Variants in TBK1 observed in about 807,000 individuals in gnomAD.
The protein encoded by TBK1 is TANK binding kinase 1, also known as serine/threonine-protein kinase TBK1.
Under a neutral mutation model 99.9 loss-of-function variants are expected in TBK1, and 37 were observed. The observed-to-expected ratio is 0.37, with a 90% CI of 0.28 to 0.49. TBK1 has a LOEUF of 0.49. Ranked by LOEUF, TBK1 falls within the 20% of genes least tolerant of loss-of-function variation. TBK1 has a pLI of 0.98. For synonymous variants in TBK1, 258 were observed against 279.8 expected (o/e 0.92, Z 0.78); for missense variants, 644 against 872.5 (o/e 0.74, Z 3.30).
At chr12:64,461,233 T>A (rs1044233961) in intron 3 of TBK1, among the ~76,000 whole-genome samples, 7 of 152,046 alleles carry the variant, frequency 4.6e-5, no homozygotes, top group Non-Finnish European at 8.8e-5. Flanking sequence ...ATAAAAATTT[T>A]GTATTTCATG....
intron 13 of TBK1, among the ~76,000 whole-genome samples, chr12:64,492,668 T>C (rs546184473): frequency 1.6e-4 from 24 of 152,268 alleles, no homozygotes; most frequent in Middle Eastern, 3.4e-3. Context: ...TGGAGTCTTA[T>C]GACATCAGGA....
At chr12:64,479,337 T>G (rs939305330) in intron 6 of TBK1, among the ~76,000 whole-genome samples, 11 of 152,224 alleles carry the variant, frequency 7.2e-5, no homozygotes, top group African/African-American at 2.7e-4. Flanking sequence ...CACCTTATTT[T>G]TCACGTTAAT....
intron 6 of TBK1, among the ~76,000 whole-genome samples, chr12:64,477,314 A>G (rs566029260): frequency 9.9e-5 from 15 of 152,126 alleles, no homozygotes; most frequent in Non-Finnish European, 1.8e-4. Flanking sequence ...ATGCTTTTCC[A>G]TTTGTTGTGT....
intron 11 of TBK1, among the ~76,000 whole-genome samples, chr12:64,487,636 A>G (rs1172824163): frequency 6.6e-6 from 1 of 152,016 alleles, no homozygotes; most frequent in Non-Finnish European, 1.5e-5. Context: ...TATTCCTTTT[A>G]CTTATTAGTT....
chr12:64,493,209 TACAG>T (rs2040889164), intron 13 of TBK1, among the ~76,000 whole-genome samples: 1 of 152,012 alleles, frequency 6.6e-6, no homozygotes, highest in African/African-American at 2.4e-5. Flanking sequence ...GTGGAGACCT[TACAG>T]ACATTTTTCC....
rs905184241 is a variant in TBK1, at chr12:64,481,858, C to G, written c.829C>G (p.Leu277Val). 37 of 1,601,920 alleles carry G rather than the reference C, an allele frequency of 2.3e-5. No individual in the cohort carries two copies. The highest frequency in any genetic ancestry group is 2.9e-5 in the Non-Finnish European group (34 of 1,175,130). ...CSLSRGLQVLLTPVLANILEA... is the reference protein window; with the variant it reads ...CSLSRGLQVLVTPVLANILEA... ...CTATTTTAGGGGTCTTCAGGTTCTA[C>G]TTACCCCTGTTCTTGCAAACATCCT... Residue 277 changes from leucine (L) to valine (V), a missense_variant, in exon 8 of 21, where the codon CTT becomes GTT. Physicochemically the swap from Leu to Val is conservative, Grantham distance 32. Coordinates refer to ENST00000331710, the MANE Select transcript of TBK1 (RefSeq NM_013254.4).
chr12:64,498,195 C>T (rs1160969289), intron 20 of TBK1, among the ~76,000 whole-genome samples, 156 bp downstream of exon 20: 1 of 152,162 alleles, frequency 6.6e-6, no homozygotes, highest in African/African-American at 2.4e-5. Context: ...TCTGTGATGC[C>T]TTTTAATGGT....
intron 12 of TBK1, among the ~76,000 whole-genome samples, 193 bp downstream of exon 12, chr12:64,488,781 C>T (rs762247881): frequency 1.3e-5 from 2 of 152,170 alleles, no homozygotes; most frequent in Non-Finnish European, 2.9e-5. Flanking sequence ...ATCACGAGGT[C>T]AAGAAATGGA....
intron 4 of TBK1, among the ~76,000 whole-genome samples, chr12:64,465,242 C>CAAAAA (rs57575805): frequency 0.013 from 748 of 57,720 alleles, 82 homozygotes; most frequent in African/African-American, 0.043. Flanking sequence ...AAGACTATCT[C>CAAAAA]AAAAAAAAAA....
In TBK1 at chr12:64,502,110, G is replaced by A. The variant is rs2136092925; in HGVS notation, c.*729G>A. 6.6e-6 allele frequency: 1 copy of A among 152,534 alleles called. No homozygotes were observed. Among genetic ancestry groups the A allele is most frequent in the Admixed American group, 6.5e-5 (1 of 15,270 alleles). 9.4% of individuals were successfully genotyped at this position (152,534 alleles called of 1,614,324 possible). ...AAAAAATAAATTTCTCAATTTTAATGTAAAGAGTTCATGTGTTTCTTTGTA... is the reference window on the plus strand; with the variant it reads ...AAAAAATAAATTTCTCAATTTTAATATAAAGAGTTCATGTGTTTCTTTGTA... On this transcript the variant is annotated 3_prime_UTR_variant, in exon 21 of 21. Coordinates refer to ENST00000331710, the MANE Select transcript of TBK1 (RefSeq NM_013254.4).
chr12:64,480,241 G>A, intron 7 of TBK1, 119 bp downstream of exon 7: 1 of 603,492 alleles, frequency 1.7e-6, no homozygotes, highest in Non-Finnish European at 2.8e-6. Context: ...ATTAGATATT[G>A]TCAAAGCATG....
chr12:64,482,102 A>T, intron 8 of TBK1, 81 bp downstream of exon 8: 3 of 1,008,292 alleles, frequency 3.0e-6, no homozygotes, highest in South Asian at 7.3e-5. Context: ...AATAGAAAAG[A>T]TGCCTCAGCT....
chr12:64,479,904 A>T (rs1344958267), intron 6 of TBK1, 108 bp from the exon 7 acceptor site: 1 of 645,932 alleles, frequency 1.5e-6, no homozygotes, highest in Non-Finnish European at 2.7e-6. Context: ...ACAAAGTTTC[A>T]TCTAGTAGAT....
intron 1 of TBK1, among the ~76,000 whole-genome samples, chr12:64,453,170 G>C (rs1187413536): frequency 6.6e-6 from 1 of 152,210 alleles, no homozygotes; most frequent in African/African-American, 2.4e-5. Flanking sequence ...ACATGTTATT[G>C]TGGAGTTATT....
At chr12:64,477,486 T>G (rs1592364765) in intron 6 of TBK1, among the ~76,000 whole-genome samples, 1 of 152,258 alleles carries the variant, frequency 6.6e-6, no homozygotes, top group Admixed American at 6.5e-5. Flanking sequence ...TGCTACTGAT[T>G]GTTCTACATT....
At chr12:64,459,625 G>A (rs61933196) in intron 2 of TBK1, among the ~76,000 whole-genome samples, 13,021 of 152,184 alleles carry the variant, frequency 0.086, 782 homozygotes, top group Middle Eastern at 0.21. Context: ...AACCAACCAG[G>A]AAGTCTACTT....
chr12:64,458,901 T>C (rs1233621596), intron 2 of TBK1, among the ~76,000 whole-genome samples: 1 of 152,176 alleles, frequency 6.6e-6, no homozygotes, highest in African/African-American at 2.4e-5. Flanking sequence ...TGTGTGAAAA[T>C]GGTCATTGGC....
intron 20 of TBK1, among the ~76,000 whole-genome samples, chr12:64,500,182 G>A (rs1460069234): frequency 6.6e-6 from 1 of 152,130 alleles, no homozygotes; most frequent in Middle Eastern, 3.2e-3. Flanking sequence ...AGTAATGGAA[G>A]CCAGATTTTG....
At chr12:64,483,438 A>T (rs1023023801) in intron 8 of TBK1, among the ~76,000 whole-genome samples, 3 of 152,242 alleles carry the variant, frequency 2.0e-5, no homozygotes, top group Admixed American at 6.5e-5. Context: ...CATTTTGAAA[A>T]TACCTAGTTT....
Sources: gnomAD v4.1 joint callset for allele counts (sites outside exome capture counted in the v4.1 genomes callset) on GRCh38, gnomAD v4.1.1 for gene constraint, MANE v1.5 for transcripts, NCBI Gene and HGNC (gene_info 2026-07-23, HGNC 2026-07-21) for gene names.